The following CNTN4 variants were observed in gnomAD, a reference collection of about 807,000 sequenced individuals.
The protein encoded by CNTN4 is contactin 4, also known as contactin-4.
A neutral mutation model predicts 122.5 loss-of-function variants in CNTN4; 77 were observed. The ratio of observed to expected loss-of-function variants is 0.63; its 90% confidence interval spans 0.52 to 0.76. The LOEUF is 0.76. Among genes scored for constraint, CNTN4 ranks in the 30% least tolerant of loss-of-function variants. CNTN4 has a pLI of 0.00. For missense variants in CNTN4, 1,256 were observed against 1,259.1 expected (o/e 1.00, Z 0.04); for synonymous variants, 512 against 447.0 (o/e 1.15, Z -1.83).
chr3:2,300,719 G>A (rs924524775), intron 2 of CNTN4, among the ~76,000 whole-genome samples: 3 of 151,316 alleles, frequency 2.0e-5, no homozygotes, highest in Non-Finnish European at 4.4e-5. Context: ...TCACAGGCGC[G>A]CGCCACCATG....
At chr3:2,587,954 G>C (rs2600297) in intron 4 of CNTN4, among the ~76,000 whole-genome samples, 9 of 152,132 alleles carry the variant, frequency 5.9e-5, no homozygotes, top group African/African-American at 2.2e-4. Context: ...CACAAGTAAA[G>C]AGTGAGATGG....
intron 13 of CNTN4, among the ~76,000 whole-genome samples, chr3:2,950,865 T>G (rs1300267362): frequency 6.6e-6 from 1 of 152,246 alleles, no homozygotes; most frequent in East Asian, 1.9e-4. Flanking sequence ...TGTCCTATAC[T>G]AGACCTTACA....
At chr3:2,138,380 C>A (rs768888965) in intron 2 of CNTN4, among the ~76,000 whole-genome samples, 3 of 151,446 alleles carry the variant, frequency 2.0e-5, no homozygotes, top group Non-Finnish European at 4.4e-5. Context: ...AGTATGTCTT[C>A]TTATAGTGGG....
intron 3 of CNTN4, among the ~76,000 whole-genome samples, chr3:2,545,848 C>T (rs931794135): frequency 6.6e-6 from 1 of 151,944 alleles, no homozygotes; most frequent in African/African-American, 2.4e-5. Flanking sequence ...CCTTTTAATT[C>T]CAAGGACATG....
intron 8 of CNTN4, among the ~76,000 whole-genome samples, chr3:2,874,611 CA>C (rs1344723490): frequency 6.6e-6 from 1 of 152,116 alleles, no homozygotes; most frequent in African/African-American, 2.4e-5. Flanking sequence ...GGGCCATACT[CA>C]GGGGAGAATA....
chr3:2,231,109 G>A (rs568300696), intron 2 of CNTN4, among the ~76,000 whole-genome samples: 1 of 152,260 alleles, frequency 6.6e-6, no homozygotes, highest in African/African-American at 2.4e-5. Flanking sequence ...AATCATTTTA[G>A]TTAACACAAT....
At chr3:2,874,338 G>T (rs936121063) in intron 8 of CNTN4, among the ~76,000 whole-genome samples, 2 of 152,152 alleles carry the variant, frequency 1.3e-5, no homozygotes, top group Admixed American at 1.3e-4. Context: ...TTAATGAAGG[G>T]TCTAAAGTTT....
chr3:2,213,660 T>C (rs1153533), intron 2 of CNTN4, among the ~76,000 whole-genome samples: 102,444 of 152,004 alleles, frequency 0.67, 34,745 homozygotes, highest in Non-Finnish European at 0.7. Context: ...CAGGCTCCCA[T>C]TGGTGTTCGC....
At chr3:2,420,587 T>C (rs770952055) in intron 3 of CNTN4, among the ~76,000 whole-genome samples, 26 of 152,110 alleles carry the variant, frequency 1.7e-4, no homozygotes, top group Non-Finnish European at 2.6e-4. Context: ...AGACATGCAC[T>C]ACCATGCCCA....
intron 2 of CNTN4, among the ~76,000 whole-genome samples, chr3:2,195,534 A>T (rs969695395): frequency 1.3e-5 from 2 of 152,234 alleles, no homozygotes; most frequent in African/African-American, 2.4e-5. Flanking sequence ...AATAACTGCT[A>T]TTCTGATGCA....
chr3:2,595,512 G>A (rs1353602191), intron 4 of CNTN4, among the ~76,000 whole-genome samples: 24 of 152,156 alleles, frequency 1.6e-4, no homozygotes, highest in Admixed American at 1.5e-3. Context: ...CCTGCAGTGT[G>A]GCTCTGTGTT....
intron 13 of CNTN4, among the ~76,000 whole-genome samples, chr3:2,983,102 T>C (rs909700433): frequency 2.0e-5 from 3 of 150,856 alleles, no homozygotes; most frequent in Non-Finnish European, 4.4e-5. Context: ...TAGTCCCAGC[T>C]ACTCGGGAGG....
intron 4 of CNTN4, among the ~76,000 whole-genome samples, chr3:2,614,696 G>C (rs1010831144): frequency 6.6e-6 from 1 of 152,124 alleles, no homozygotes; most frequent in African/African-American, 2.4e-5. Flanking sequence ...ACTGAGGAGA[G>C]AGAGCAGGCA....
intron 3 of CNTN4, among the ~76,000 whole-genome samples, chr3:2,396,656 G>GTTTTTTTTTT (rs752074730): frequency 6.9e-6 from 1 of 145,104 alleles, no homozygotes. Flanking sequence ...TTATGTCTGG[G>GTTTTTTTTTT]TTTTTTTTTT....
chr3:2,462,493 T>C (rs577584271), intron 3 of CNTN4, among the ~76,000 whole-genome samples: 1 of 152,178 alleles, frequency 6.6e-6, no homozygotes, highest in African/African-American at 2.4e-5. Flanking sequence ...AGTGGCCACA[T>C]TGTTATTCAA....
chr3:2,328,284 T>C lies in CNTN4; in HGVS notation c.-144-10894T>C, dbSNP rs557530242. Among the ~76,000 whole-genome samples the C allele has an allele frequency of 1.9e-3, 287 of 150,594 alleles. 2 individuals are homozygous for C. Among genetic ancestry groups the C allele is most frequent in the Non-Finnish European group, 2.6e-3 (177 of 67,558 alleles). ...AGCCGGGCGTGGTGGCGGGCGCCTG[T>C]AGTCCCAGCTACTCGGGAGGCTGAG... is the stretch of plus-strand genomic sequence containing the variant. On this transcript the variant is annotated intron_variant, in intron 2 of 24. Transcript: ENST00000418658.
intron 6 of CNTN4, among the ~76,000 whole-genome samples, chr3:2,777,126 G>A (rs927261666): frequency 9.9e-5 from 15 of 152,018 alleles, no homozygotes; most frequent in South Asian, 2.1e-4. Context: ...GATTCTAGGC[G>A]CCCACCACCA....
chr3:2,906,636 G>A (rs1022167630), intron 12 of CNTN4, among the ~76,000 whole-genome samples: 9 of 151,672 alleles, frequency 5.9e-5, no homozygotes, highest in African/African-American at 1.7e-4. Context: ...TTGGGAGATC[G>A]AGCCCAGCCT....
chr3:2,270,090 C>CA (rs2041225640), intron 2 of CNTN4, among the ~76,000 whole-genome samples: 1 of 86,446 alleles, frequency 1.2e-5, no homozygotes, highest in Non-Finnish European at 2.6e-5. Context: ...GCTGGGACTA[C>CA]AGGCGCCCGC....
Sources: allele counts gnomAD v4.1 joint callset (sites outside exome capture counted in the v4.1 genomes callset), GRCh38; gene constraint gnomAD v4.1.1; transcripts MANE v1.5; gene names NCBI Gene and HGNC (gene_info 2026-07-23, HGNC 2026-07-21).